The following MMD2 variants were observed in gnomAD, a reference collection of about 807,000 sequenced individuals.
The protein encoded by MMD2 is monocyte to macrophage differentiation associated 2, also known as monocyte to macrophage differentiation factor 2.
A neutral mutation model predicts 33.5 loss-of-function variants in MMD2; 30 were observed. That is an observed-to-expected ratio of 0.90 (90% confidence interval 0.67 to 1.22). MMD2 has a LOEUF of 1.22. MMD2 is among the 50% of genes most tolerant of loss of function. MMD2 has a pLI of 0.00. For synonymous variants in MMD2, 129 were observed against 123.0 expected, an observed-to-expected ratio of 1.05 and a Z score of -0.32; for missense variants, 364 against 325.4, an observed-to-expected ratio of 1.12 and a Z score of -0.91.
the MMD2 span, among the ~76,000 whole-genome samples, chr7:4,893,582 T>C: frequency 6.6e-6 from 1 of 151,402 alleles, no homozygotes; most frequent in African/African-American, 2.4e-5. Context: ...AGTACAGACA[T>C]GGTTTTGCCA....
At chr7:4,952,288 C>G (rs1425739545) in intron 1 of MMD2, among the ~76,000 whole-genome samples, 2 of 152,206 alleles carry the variant, frequency 1.3e-5, no homozygotes, top group African/African-American at 2.4e-5. Flanking sequence ...TTGGGACAAG[C>G]CTGGAAGGGT....
At chr7:4,954,273 T>C (rs1786327056) in intron 1 of MMD2, among the ~76,000 whole-genome samples, 1 of 152,232 alleles carries the variant, frequency 6.6e-6, no homozygotes, top group African/African-American at 2.4e-5. Context: ...ACATTTTCTA[T>C]TTGGTTATTT....
At position 4,906,844 on chromosome 7, in the gene MMD2, CTG is replaced by C. The variant is rs1784877124; in HGVS notation, c.*550_*551del. 1.6e-5 allele frequency: 5 copies of C among 304,346 alleles called. No homozygotes were observed. Among genetic ancestry groups the C allele is most frequent in the Non-Finnish European group, 3.0e-5 (5 of 165,206 alleles). The allele number at this position is 304,346 out of a possible 1,614,324, so 18.9% of individuals were successfully genotyped here. A position where few individuals can be genotyped will look rare whatever the true frequency, so the allele number is the denominator to read the frequency against. ...TGATTGGTACTGGCTGCCCAGAACA[CTG>C]TGCTGGGAAGAATTCTGACATCACC... On this transcript the variant is annotated 3_prime_UTR_variant, in exon 7 of 7. Transcript: ENST00000401401.
chr7:4,912,979 C>T (rs571807613), intron 4 of MMD2, among the ~76,000 whole-genome samples: 2 of 152,324 alleles, frequency 1.3e-5, no homozygotes, highest in East Asian at 1.9e-4. Context: ...GCTGGGATTA[C>T]AGGCGTGAGC....
intron 1 of MMD2, among the ~76,000 whole-genome samples, chr7:4,957,171 A>ATAT (rs1352117242): frequency 1.5e-5 from 2 of 132,850 alleles, no homozygotes; most frequent in African/African-American, 5.5e-5. Context: ...CTCAAAAAAA[A>ATAT]AAATATATAT....
rs753060827 is a variant in MMD2 at position 4,916,015 on chromosome 7, A to C, written c.355T>G (p.Tyr119Asp). The C allele has an allele frequency of 6.2e-7, 1 of 1,613,778 alleles. No individual in the cohort carries two copies. The highest frequency in any genetic ancestry group is 8.5e-7 in the Non-Finnish European group (1 of 1,179,854). Residue 119 changes from tyrosine (Y) to aspartate (D), a missense_variant, in exon 4 of 7, where the codon TAC becomes GAC. Transcript: ENST00000401401. ...MVIYFFIAAS[Y>D]APWLNLRELG... ...CGGGACGGTACTCACCAGGGTGCGT[A>C]GGAAGCCGCTATGAAGAAATAGATG...
In MMD2 at chr7:4,920,159, G is replaced by C; in HGVS notation, c.290+12C>G. The C allele has an allele frequency of 6.4e-7, 1 of 1,554,548 alleles. No homozygotes were observed. Among genetic ancestry groups the C allele is most frequent in the African/African-American group, 1.4e-5 (1 of 73,342 alleles). ...CCCTACCCGGCATGGGTCCCCTCTG[G>C]GCGGGAGGCACCTGAGGTGGCTCTT... On this transcript the variant is annotated intron_variant, in intron 3 of 6. Coordinates refer to ENST00000401401, the MANE Select transcript of MMD2 (RefSeq NM_198403.4).
intron 6 of MMD2, among the ~76,000 whole-genome samples, chr7:4,909,139 A>G (rs886836781): frequency 1.3e-5 from 2 of 152,098 alleles, no homozygotes; most frequent in African/African-American, 4.8e-5. Context: ...GGTAAGAAAA[A>G]AGTAGTAGTC....
At chr7:4,900,215 G>T in the MMD2 span, among the ~76,000 whole-genome samples, 1 of 151,974 alleles carries the variant, frequency 6.6e-6, no homozygotes, top group Non-Finnish European at 1.5e-5. Flanking sequence ...GCAGCACTGA[G>T]TGCACCACTG....
chr7:4,946,153 C>A lies in MMD2; in HGVS notation c.47+12818G>T, dbSNP rs1040770908. ...CCTGCACACGCACGCACACCCACACCCGCGCGCACACCTGCACACATGCAC... is the reference window on the plus strand; with the variant it reads ...CCTGCACACGCACGCACACCCACACACGCGCGCACACCTGCACACATGCAC... On this transcript the variant is annotated intron_variant, in intron 1 of 6. Transcript: ENST00000401401. The surrounding 1 kb of genome is among the most constrained non-coding windows in gnomAD (Gnocchi z 5.0). Among the ~76,000 whole-genome samples the A allele has an allele frequency of 1.3e-4, 20 of 149,912 alleles. No homozygotes were observed. The highest frequency in any genetic ancestry group is 2.7e-4 in the Non-Finnish European group (18 of 67,450).
intron 1 of MMD2, among the ~76,000 whole-genome samples, chr7:4,945,185 T>TCCTTC (rs1786024637): frequency 1.4e-4 from 13 of 93,540 alleles, no homozygotes; most frequent in Middle Eastern, 0.01. Context: ...CCTCTTCCTC[T>TCCTTC]TTCTTCTTCT....
At chr7:4,905,210 G>T (rs1374690643), downstream of MMD2, among the ~76,000 whole-genome samples, 1 of 151,652 alleles carries the variant, frequency 6.6e-6, no homozygotes, top group Non-Finnish European at 1.5e-5. The surrounding 1 kb of genome is among the most constrained non-coding windows in gnomAD (Gnocchi z 5.0). Context: ...AATAGGAAAA[G>T]AAGTCAAAGT....
chr7:4,910,312 G>A (rs1021286712), intron 5 of MMD2, among the ~76,000 whole-genome samples: 8 of 152,168 alleles, frequency 5.3e-5, no homozygotes, highest in Non-Finnish European at 7.3e-5. Context: ...CAAGGCCCAA[G>A]CAGCCACTTC....
intron 3 of MMD2, among the ~76,000 whole-genome samples, chr7:4,919,094 A>G (rs942350081): frequency 1.3e-5 from 2 of 149,632 alleles, no homozygotes; most frequent in Non-Finnish European, 3.0e-5. Context: ...GTGAGACCCC[A>G]TCTCAAAAAA....
chr7:4,901,471 A>G (rs946260999), downstream of MMD2, among the ~76,000 whole-genome samples: 1 of 152,128 alleles, frequency 6.6e-6, no homozygotes, highest in African/African-American at 2.4e-5. Flanking sequence ...TTAAAAACCA[A>G]ACAGAAAAAA....
chr7:4,946,393 T>C lies in MMD2; in HGVS notation c.47+12578A>G, dbSNP rs1377327326. Among the ~76,000 whole-genome samples the C allele has an allele frequency of 6.6e-6, 1 of 152,184 alleles. No individual in the cohort carries two copies. The highest frequency in any genetic ancestry group is 6.6e-5 in the Admixed American group (1 of 15,260). Reference sequence around the variant, plus strand: ...AAAGAAATGAAACCTTGGCTTTATCTAAGATAATAATGAAAATCCAAGTAC... The same window carrying C: ...AAAGAAATGAAACCTTGGCTTTATCCAAGATAATAATGAAAATCCAAGTAC... On this transcript the variant is annotated intron_variant, in intron 1 of 6. Coordinates refer to ENST00000401401, the MANE Select transcript of MMD2 (RefSeq NM_198403.4). This position sits in a 1 kb window ranked among gnomAD's most constrained non-coding sequence, Gnocchi z 5.0.
chr7:4,947,548 C>T (rs974660182), intron 1 of MMD2, among the ~76,000 whole-genome samples: 6 of 145,598 alleles, frequency 4.1e-5, no homozygotes, highest in Non-Finnish European at 6.0e-5. Flanking sequence ...CGCATGCCTC[C>T]AGGCCCAGCT....
At chr7:4,905,811 G>C (rs914207295), downstream of MMD2, among the ~76,000 whole-genome samples, 1 of 152,154 alleles carries the variant, frequency 6.6e-6, no homozygotes, top group African/African-American at 2.4e-5. This position sits in a 1 kb window ranked among gnomAD's most constrained non-coding sequence, Gnocchi z 5.0. Flanking sequence ...TATTTGGTGA[G>C]CTCTACAGGT....
At chr7:4,896,297 T>C in the MMD2 span, among the ~76,000 whole-genome samples, 1 of 152,000 alleles carries the variant, frequency 6.6e-6, no homozygotes, top group African/African-American at 2.4e-5. Context: ...CTGGGCAACA[T>C]GGTGAAACTC....
Sources: allele counts gnomAD v4.1 joint callset (sites outside exome capture counted in the v4.1 genomes callset), GRCh38; gene constraint gnomAD v4.1.1; non-coding constraint Gnocchi (gnomAD v3.1); transcripts MANE v1.5; gene names NCBI Gene and HGNC (gene_info 2026-07-23, HGNC 2026-07-21).